The following ZMYM2 variants were observed in gnomAD, a reference collection of about 807,000 sequenced individuals.
The protein encoded by ZMYM2 is zinc finger MYM-type protein 2.
ZMYM2 carries 56 observed loss-of-function variants against 162.8 expected under a neutral mutation model. That is an observed-to-expected ratio of 0.34 (90% CI 0.28 to 0.43). The LOEUF (loss-of-function observed/expected upper bound fraction) is 0.43. ZMYM2 is among the 20% of genes least tolerant of loss of function. ZMYM2 has a pLI of 1.00. For synonymous variants in ZMYM2, 510 were observed against 541.6 expected (o/e 0.94, Z 0.81); for missense variants, 1,275 against 1,621.8 (o/e 0.79, Z 3.67).
At chr13:19,946,288 G>A in the ZMYM2 span, among the ~76,000 whole-genome samples, 1 of 152,148 alleles carries the variant, frequency 6.6e-6, no homozygotes, top group African/African-American at 2.4e-5. Flanking sequence ...GTAACATCCT[G>A]TCTCCTTAGT....
intron 11 of ZMYM2, among the ~76,000 whole-genome samples, chr13:20,035,440 A>G (rs1373447812): frequency 1.3e-5 from 2 of 152,218 alleles, no homozygotes; most frequent in South Asian, 2.1e-4. Flanking sequence ...GAGTAAAGCT[A>G]TAATGAAAAA....
At chr13:20,017,668 C>A (rs56143161) in intron 6 of ZMYM2, among the ~76,000 whole-genome samples, 21,809 of 148,742 alleles carry the variant, frequency 0.15, 2,926 homozygotes, top group African/African-American at 0.36. Context: ...TTTTACTTTT[C>A]CCCCCACCCA....
chr13:20,046,565 ATAT>A (rs1267561701), intron 12 of ZMYM2, among the ~76,000 whole-genome samples: 2 of 8,922 alleles, frequency 2.2e-4, no homozygotes, highest in African/African-American at 3.0e-4. Flanking sequence ...AAAAAAAAAA[ATAT>A]ATATATATAT....
At chr13:19,865,539 T>C in the ZMYM2 span, among the ~76,000 whole-genome samples, 1 of 152,212 alleles carries the variant, frequency 6.6e-6, no homozygotes, top group Non-Finnish European at 1.5e-5. Context: ...TGCTGTAAAT[T>C]ACAAGCACTG....
At chr13:20,019,512 G>A (rs921608441) in intron 6 of ZMYM2, 35 bp from the exon 7 acceptor site, 2 of 1,515,008 alleles carry the variant, frequency 1.3e-6, no homozygotes, top group Non-Finnish European at 1.8e-6. Flanking sequence ...TATTCTTTAT[G>A]TGTGTTTATA....
intron 2 of ZMYM2, among the ~76,000 whole-genome samples, chr13:19,966,126 GT>G (rs1190287938): frequency 9.5e-5 from 13 of 137,082 alleles, no homozygotes; most frequent in African/African-American, 3.8e-4. Context: ...TTTTTTTTTT[GT>G]TTTTGTTTTG....
chr13:19,906,185 G>C, the ZMYM2 span, among the ~76,000 whole-genome samples: 1 of 150,662 alleles, frequency 6.6e-6, no homozygotes, highest in Non-Finnish European at 1.5e-5. Flanking sequence ...TGAGGCAGGA[G>C]AATCGCTTGA....
intron 2 of ZMYM2, among the ~76,000 whole-genome samples, chr13:19,987,286 C>CA (rs1030283818): frequency 6.6e-6 from 1 of 150,836 alleles, no homozygotes; most frequent in African/African-American, 2.4e-5. Context: ...TTTCTTGAGA[C>CA]AGAGTCTCTC....
At chr13:20,077,274 T>C (rs542452424) in intron 21 of ZMYM2, among the ~76,000 whole-genome samples, 29 of 150,700 alleles carry the variant, frequency 1.9e-4, no homozygotes, top group Middle Eastern at 3.4e-3. Context: ...CCACATACTA[T>C]GCTACGTGCT....
At chr13:19,887,945 A>C in the ZMYM2 span, among the ~76,000 whole-genome samples, 1 of 148,594 alleles carries the variant, frequency 6.7e-6, no homozygotes, top group African/African-American at 2.5e-5. Flanking sequence ...CAGTGCTATG[A>C]TCTCTAGCTC....
intron 2 of ZMYM2, among the ~76,000 whole-genome samples, chr13:19,973,705 C>CA (rs1450624819): frequency 6.9e-5 from 10 of 144,022 alleles, no homozygotes; most frequent in South Asian, 2.2e-4. Flanking sequence ...AAAAACAAAA[C>CA]AAAAAACAGA....
the ZMYM2 span, among the ~76,000 whole-genome samples, chr13:19,946,412 A>G: frequency 1.3e-5 from 2 of 152,032 alleles, no homozygotes; most frequent in African/African-American, 4.8e-5. Context: ...TTAATTCTTG[A>G]TTTTCCTGCT....
At chr13:19,888,878 G>A in the ZMYM2 span, among the ~76,000 whole-genome samples, 1 of 152,014 alleles carries the variant, frequency 6.6e-6, no homozygotes, top group Non-Finnish European at 1.5e-5. Context: ...GATTACAGGC[G>A]TGAGCCACTG....
intron 6 of ZMYM2, among the ~76,000 whole-genome samples, chr13:20,017,226 T>A (rs1461483713): frequency 6.6e-6 from 1 of 152,212 alleles, no homozygotes; most frequent in East Asian, 1.9e-4. Context: ...GGTGCTGGGG[T>A]GAGGCATCAC....
intron 12 of ZMYM2, among the ~76,000 whole-genome samples, chr13:20,037,853 G>A (rs71424020): frequency 0.082 from 12,543 of 152,130 alleles, 756 homozygotes; most frequent in Non-Finnish European, 0.13. Context: ...ATTTACCAAA[G>A]TAAAAATTTG....
At chr13:20,085,132 T>TTTCCACACA (rs1958172414) in intron 24 of ZMYM2, among the ~76,000 whole-genome samples, 1 of 152,230 alleles carries the variant, frequency 6.6e-6, no homozygotes, top group African/African-American at 2.4e-5. Flanking sequence ...TTGGGGTTGC[T>TTTCCACACA]GAATAACCTG....
At chr13:19,958,725 T>G (rs528228893), upstream of ZMYM2, 1,330 of 146,496 alleles carry the variant, frequency 9.1e-3, 8 homozygotes, top group African/African-American at 0.029. Context: ...CTCCTCCGCC[T>G]CCTCCTCCTC....
rs1479624930 is a variant in ZMYM2, at chr13:20,051,258, T to C, written c.2293-175T>C. Reference sequence around the variant, plus strand: ...ACTTTGTCAACTGTGAAATTGTATTTTTTTTTTTTTTTTTCATTTATTGTA... The same window carrying C: ...ACTTTGTCAACTGTGAAATTGTATTCTTTTTTTTTTTTTTCATTTATTGTA... On this transcript the variant is annotated intron_variant, in intron 12 of 24. Coordinates refer to ENST00000610343, the MANE Select transcript of ZMYM2 (RefSeq NM_197968.4). Among the ~76,000 whole-genome samples the C allele has an allele frequency of 1.2e-3, 189 of 151,752 alleles. 3 individuals carry two copies. The Middle Eastern group carries it at 0.017, about 14-fold the overall frequency.
intron 3 of ZMYM2, among the ~76,000 whole-genome samples, chr13:19,994,390 G>T (rs1369222009): frequency 6.6e-6 from 1 of 152,172 alleles, no homozygotes; most frequent in Non-Finnish European, 1.5e-5. Context: ...ATTACTTTTT[G>T]CTAATAGAAT....
Sources: gnomAD v4.1 joint callset for allele counts (sites outside exome capture counted in the v4.1 genomes callset) on GRCh38, gnomAD v4.1.1 for gene constraint, MANE v1.5 for transcripts, NCBI Gene and HGNC (gene_info 2026-07-23, HGNC 2026-07-21) for gene names.